The following ANKS1B variants were observed in gnomAD, a reference collection of about 807,000 sequenced individuals.
ANKS1B encodes ankyrin repeat and sterile alpha motif domain containing 1B, also known as ankyrin repeat and sterile alpha motif domain-containing protein 1B.
Under a neutral mutation model 148.3 loss-of-function variants are expected in ANKS1B, and 36 were observed. The ratio of observed to expected loss-of-function variants is 0.24; its 90% CI spans 0.19 to 0.32. The LOEUF (loss-of-function observed/expected upper bound fraction) is 0.32, where lower values mean the gene tolerates loss of function less well. ANKS1B is among the 10% of genes least tolerant of loss of function. The pLI is 1.00. For synonymous variants in ANKS1B, 542 were observed against 560.8 expected (o/e 0.97, Z 0.47); for missense variants, 1,157 against 1,542.6 (o/e 0.75, Z 4.19).
chr12:99,253,713 C>G (rs2074929181), intron 12 of ANKS1B, among the ~76,000 whole-genome samples: 1 of 152,090 alleles, frequency 6.6e-6, no homozygotes. Flanking sequence ...TTCAAATTGC[C>G]TCCCCACAAA....
chr12:99,424,844 G>A (rs1458285922), intron 11 of ANKS1B, among the ~76,000 whole-genome samples: 2 of 151,954 alleles, frequency 1.3e-5, no homozygotes, highest in Non-Finnish European at 2.9e-5. Flanking sequence ...TAACTTAGGA[G>A]TATGTGCCTG....
intron 16 of ANKS1B, among the ~76,000 whole-genome samples, chr12:99,065,406 T>C (rs2043791861): frequency 6.6e-6 from 1 of 152,154 alleles, no homozygotes; most frequent in African/African-American, 2.4e-5. Flanking sequence ...AATAACATAA[T>C]CCACAGAAGT....
intron 12 of ANKS1B, among the ~76,000 whole-genome samples, chr12:99,358,471 T>C (rs1028814927): frequency 2.4e-4 from 36 of 152,168 alleles, no homozygotes; most frequent in African/African-American, 8.7e-4. Flanking sequence ...TTAAGTTTCA[T>C]AAATTTCTAC....
chr12:98,794,517 G>A (rs2098929594), intron 22 of ANKS1B: 9 of 590,684 alleles, frequency 1.5e-5, no homozygotes, highest in African/African-American at 1.5e-4. Context: ...TCTGTCTGGG[G>A]CCCATCCACC....
chr12:99,494,196 C>T (rs112700173), intron 10 of ANKS1B, among the ~76,000 whole-genome samples: 5 of 152,138 alleles, frequency 3.3e-5, no homozygotes, highest in African/African-American at 1.2e-4. Flanking sequence ...TTTGTGACAT[C>T]AAGGTCATTA....
rs536052264 is a variant in ANKS1B, at chr12:99,740,842, G to A, written c.1128+32080C>T. On this transcript the variant is annotated intron_variant, in intron 8 of 26. Coordinates refer to ENST00000683438, the MANE Select transcript of ANKS1B (RefSeq NM_001352186.2). Reference sequence around the variant, plus strand: ...GCCAAGAGAAGCCGTGAGGGACTATGCCATGAGGAACAGTGCACTCCGGCC... The same window carrying A: ...GCCAAGAGAAGCCGTGAGGGACTATACCATGAGGAACAGTGCACTCCGGCC... 3.9e-5 allele frequency among the ~76,000 whole-genome samples: 6 copies of A among 152,238 alleles called. No individual in the cohort carries two copies. The East Asian group carries it at 1.2e-3, about 30-fold the overall frequency.
In ANKS1B at chr12:98,829,204, G is replaced by C; in HGVS notation, c.3036C>G (p.Pro1012=). 6.2e-7 allele frequency: 1 copy of C among 1,613,970 alleles called. No individual in the cohort carries two copies. Among genetic ancestry groups the C allele is most frequent in the Non-Finnish European group, 8.5e-7 (1 of 1,179,866 alleles). The part of the protein sequence containing the change: ...RRNENYFDDI[P]RSKLERQMAQ... ...CCATCTGCCTCTCCAGTTTTGATCG[G>C]GGAATATCATCAAAGTAGTTTTCAT... The change falls in exon 19 of 27, where the codon CCC becomes CCG. Residue 1012 remains proline, a synonymous_variant. Coordinates refer to ENST00000683438, the MANE Select transcript of ANKS1B (RefSeq NM_001352186.2). The surrounding 1 kb of genome is among the most constrained non-coding windows in gnomAD (Gnocchi z 5.2).
Position 99,593,237 on chromosome 12 carries a change from G to A in ANKS1B, c.1272+61830C>T, listed in dbSNP as rs183346966. Among the ~76,000 whole-genome samples the A allele has an allele frequency of 5.1e-4, 76 of 150,478 alleles. 1 individual carries two copies. Among genetic ancestry groups the A allele is most frequent in the Admixed American group, 1.3e-3 (20 of 15,210 alleles). On this transcript the variant is annotated intron_variant, in intron 9 of 26. Coordinates refer to ENST00000683438, the MANE Select transcript of ANKS1B (RefSeq NM_001352186.2). ...AGAGGAGAGGTCCATTCAGATGGTT[G>A]GGGTTGGGGGGGTCTTATAATTTTA... is the stretch of plus-strand genomic sequence containing the variant.
intron 8 of ANKS1B, among the ~76,000 whole-genome samples, chr12:99,657,574 G>C (rs2098455636): frequency 6.6e-6 from 1 of 151,234 alleles, no homozygotes; most frequent in Non-Finnish European, 1.5e-5. Flanking sequence ...TTATCACAGG[G>C]ATTTTTGACC....
Position 99,402,921 on chromosome 12 carries a change from T to C in ANKS1B, c.1576-3110A>G, listed in dbSNP as rs1191485843. Among the ~76,000 whole-genome samples, 9 of 145,796 alleles carry C rather than the reference T, an allele frequency of 6.2e-5. 1 individual carries two copies. The highest frequency in any genetic ancestry group is 2.3e-4 in the African/African-American group (9 of 38,400). ...TTCTCTTCCACAATGGTTGAACTAA[T>C]GTATACTCCCACCTGTAGTGTATAA... On this transcript the variant is annotated intron_variant, in intron 11 of 26. Transcript: ENST00000683438.
chr12:98,855,097 T>TG (rs2099556024), intron 17 of ANKS1B, among the ~76,000 whole-genome samples: 1 of 149,422 alleles, frequency 6.7e-6, no homozygotes, highest in African/African-American at 2.5e-5. Context: ...AAGCGGAGCT[T>TG]GCAGTGAGCT....
chr12:98,827,366 G>A (rs989795289), intron 19 of ANKS1B, among the ~76,000 whole-genome samples: 1 of 152,206 alleles, frequency 6.6e-6, no homozygotes, highest in Non-Finnish European at 1.5e-5. Context: ...CACATGAGGG[G>A]AATGCATGCG....
intron 17 of ANKS1B, among the ~76,000 whole-genome samples, chr12:98,885,265 G>A (rs973775388): frequency 2.6e-5 from 4 of 152,132 alleles, no homozygotes; most frequent in Non-Finnish European, 4.4e-5. Flanking sequence ...TCAAGGAAAG[G>A]AACATTAACA....
At chr12:99,567,020 T>C (rs750378198) in intron 9 of ANKS1B, among the ~76,000 whole-genome samples, 1 of 152,210 alleles carries the variant, frequency 6.6e-6, no homozygotes, top group Non-Finnish European at 1.5e-5. Context: ...CTGCTTTTCA[T>C]CAGTCAGGAG....
intron 8 of ANKS1B, among the ~76,000 whole-genome samples, chr12:99,674,584 T>C (rs1441140453): frequency 6.6e-6 from 1 of 151,538 alleles, no homozygotes; most frequent in Non-Finnish European, 1.5e-5. Context: ...TAAAAACACA[T>C]GAAAAAGAAG....
chr12:99,859,898 T>G (rs1201485843), intron 1 of ANKS1B, among the ~76,000 whole-genome samples: 3 of 152,184 alleles, frequency 2.0e-5, no homozygotes, highest in Admixed American at 6.5e-5. Context: ...ACTGCCTACC[T>G]TGGCCTCCCA....
chr12:99,323,575 A>G (rs2085729230), intron 12 of ANKS1B, among the ~76,000 whole-genome samples: 2 of 152,316 alleles, frequency 1.3e-5, no homozygotes, highest in African/African-American at 4.8e-5. Flanking sequence ...TAAACATGTT[A>G]CTTGCTTTAT....
chr12:98,943,160 G>A (rs565568193), intron 17 of ANKS1B, among the ~76,000 whole-genome samples: 1 of 152,318 alleles, frequency 6.6e-6, no homozygotes, highest in African/African-American at 2.4e-5. Flanking sequence ...TTCTTGAAGT[G>A]TCCATAAACA....
intron 1 of ANKS1B, among the ~76,000 whole-genome samples, chr12:99,933,279 T>G (rs909469813): frequency 2.0e-5 from 3 of 152,164 alleles, no homozygotes; most frequent in Non-Finnish European, 2.9e-5. Context: ...TTAGGATTAT[T>G]TTTTATGTTT....
Sources: gnomAD v4.1 joint callset for allele counts (sites outside exome capture counted in the v4.1 genomes callset) on GRCh38, gnomAD v4.1.1 for gene constraint, Gnocchi (gnomAD v3.1) non-coding constraint, MANE v1.5 for transcripts, NCBI Gene and HGNC (gene_info 2026-07-23, HGNC 2026-07-21) for gene names.